The following TOPAZ1 variants were observed in gnomAD, a reference collection of about 807,000 sequenced individuals.
TOPAZ1 encodes the protein protein TOPAZ1.
TOPAZ1 carries 66 observed loss-of-function variants against 172.2 expected under a neutral mutation model. The ratio of observed to expected loss-of-function variants is 0.38; its 90% CI spans 0.31 to 0.47. The LOEUF is 0.47. TOPAZ1 is among the 20% of genes least tolerant of loss of function. TOPAZ1 has a pLI of 0.99. For missense variants in TOPAZ1, 1,822 were observed against 1,972.4 expected (o/e 0.92, Z 1.44); for synonymous variants, 681 against 683.9 (o/e 1.00, Z 0.07).
chr3:44,302,364 A>G (rs1559543215), intron 12 of TOPAZ1, among the ~76,000 whole-genome samples: 1 of 152,154 alleles, frequency 6.6e-6, no homozygotes, highest in Non-Finnish European at 1.5e-5. Context: ...GAGCCGAGAT[A>G]GCACCACTGC....
intron 3 of TOPAZ1, among the ~76,000 whole-genome samples, chr3:44,255,569 G>A (rs1699688998): frequency 6.6e-6 from 1 of 151,224 alleles, no homozygotes; most frequent in African/African-American, 2.4e-5. Context: ...GGAGAATGGT[G>A]TGAACCCGGG....
Position 44,243,154 on chromosome 3 carries a change from TGAA to T in TOPAZ1, c.650_652del (p.Glu217del). ...AATATTCTTGTAATATCTTGTCACC[TGAA>T]GTAGAAAATAATTCCGTTTTAAAAT... is the stretch of plus-strand genomic sequence containing the variant. On this transcript the variant is annotated inframe_deletion, in exon 2 of 20. Transcript: ENST00000309765. The T allele has an allele frequency of 6.5e-7, 1 of 1,549,728 alleles. No individual in the cohort carries two copies. The highest frequency in any genetic ancestry group is 8.7e-7 in the Non-Finnish European group (1 of 1,146,058).
Position 44,245,167 on chromosome 3 carries a change from G to A in TOPAZ1, c.2661G>A (p.Glu887=). 1.9e-6 allele frequency: 3 copies of A among 1,551,874 alleles called. No individual in the cohort carries two copies. Among genetic ancestry groups the A allele is most frequent in the Non-Finnish European group, 2.6e-6 (3 of 1,147,040 alleles). The change falls in exon 2 of 20, where the codon GAG becomes GAA. Residue 887 remains glutamate, a synonymous_variant. Transcript: ENST00000309765. ...SNEGELSFTS[E]VPKISQEPNV... ...AAGGGGAGCTCTCATTTACTTCTGA[G>A]GTCCCAAAGATAAGCCAGGAGCCCA...
At chr3:44,273,862 C>G (rs976521963) in intron 8 of TOPAZ1, among the ~76,000 whole-genome samples, 4 of 152,152 alleles carry the variant, frequency 2.6e-5, no homozygotes, top group Non-Finnish European at 5.9e-5. Context: ...TTAATTCAAA[C>G]AAGATCAGAA....
At chr3:44,261,969 G>GA (rs1424344685) in intron 4 of TOPAZ1, among the ~76,000 whole-genome samples, 11 of 152,108 alleles carry the variant, frequency 7.2e-5, no homozygotes, top group Middle Eastern at 6.8e-3. Context: ...TCTTATGACT[G>GA]AAAAATCATG....
At chr3:44,315,551 T>G (rs1218401652) in intron 16 of TOPAZ1, among the ~76,000 whole-genome samples, 6 of 151,140 alleles carry the variant, frequency 4.0e-5, no homozygotes, top group African/African-American at 1.5e-4. Flanking sequence ...TTTTTTTTTT[T>G]TAGTAGGACA....
intron 16 of TOPAZ1, among the ~76,000 whole-genome samples, chr3:44,317,103 G>A (rs1478761888): frequency 6.6e-6 from 1 of 152,172 alleles, no homozygotes; most frequent in African/African-American, 2.4e-5. Context: ...CAGTTCTGTA[G>A]GAAATTTGAT....
chr3:44,327,813 C>T (rs989701398), intron 18 of TOPAZ1, among the ~76,000 whole-genome samples: 2 of 151,954 alleles, frequency 1.3e-5, no homozygotes, highest in African/African-American at 2.4e-5. Flanking sequence ...GGCACAATCT[C>T]GGCTCACTGC....
chr3:44,255,327 T>G (rs1326534701), intron 3 of TOPAZ1, among the ~76,000 whole-genome samples: 1 of 151,920 alleles, frequency 6.6e-6, no homozygotes, highest in Non-Finnish European at 1.5e-5. Flanking sequence ...TATTTAAGCT[T>G]TATCACATTT....
chr3:44,320,440 AC>A (rs1003271974), intron 16 of TOPAZ1, among the ~76,000 whole-genome samples: 4 of 152,112 alleles, frequency 2.6e-5, no homozygotes, highest in African/African-American at 9.7e-5. Flanking sequence ...TACTTAACAT[AC>A]AAAAAATTTA....
At chr3:44,255,637 G>A (rs1441962894) in intron 3 of TOPAZ1, among the ~76,000 whole-genome samples, 10 of 122,416 alleles carry the variant, frequency 8.2e-5, no homozygotes, top group African/African-American at 2.3e-4. Flanking sequence ...GGGCAACAGT[G>A]CGAGACTCTG....
In TOPAZ1 at chr3:44,290,253, T is replaced by C. The variant is rs183716348; in HGVS notation, c.3682-518T>C. On this transcript the variant is annotated intron_variant, in intron 11 of 19. Coordinates refer to ENST00000309765, the MANE Select transcript of TOPAZ1 (RefSeq NM_001145030.2). The stretch of plus-strand genomic sequence containing the variant: ...CCCTTGTTGGTTCTCTTCATTAGCG[T>C]TGAGGCTCATGAAGAAGACAGGAAA... Among the ~76,000 whole-genome samples, 10 of 152,308 alleles carry C rather than the reference T, an allele frequency of 6.6e-5. No homozygotes were observed. The East Asian group carries it at 1.9e-3, about 29-fold the overall frequency.
intron 16 of TOPAZ1, among the ~76,000 whole-genome samples, chr3:44,315,896 T>C (rs1435971931): frequency 6.6e-6 from 1 of 152,142 alleles, no homozygotes; most frequent in Non-Finnish European, 1.5e-5. Context: ...CTTTGTACTT[T>C]TCTGTTTTGC....
chr3:44,296,086 A>G (rs1700190848), intron 12 of TOPAZ1, among the ~76,000 whole-genome samples: 1 of 152,186 alleles, frequency 6.6e-6, no homozygotes. Flanking sequence ...ATCTCCAAAC[A>G]CTTGGAAATT....
At position 44,270,763 on chromosome 3, in the gene TOPAZ1, C is replaced by T; in HGVS notation, c.3325C>T (p.Arg1109Ter). The T allele has an allele frequency of 1.3e-6, 2 of 1,550,520 alleles. No homozygotes were observed. Among genetic ancestry groups the T allele is most frequent in the Non-Finnish European group, 8.7e-7 (1 of 1,146,314 alleles). Residue 1109 changes from arginine to a stop codon, truncating the protein, a stop_gained, in exon 8 of 20, where the codon CGA becomes TGA. Coordinates refer to ENST00000309765, the MANE Select transcript of TOPAZ1 (RefSeq NM_001145030.2). LOFTEE classifies it high-confidence loss of function. ...TTTTAATACATTACGTGGCTGTGAG[C>T]GACCACTGTGCAAGTTTGCTCATGT... ...FHFNTLRGCE[R>*]PLCKFAHVPE...
chr3:44,246,662 C>G (rs1699570394), intron 2 of TOPAZ1, among the ~76,000 whole-genome samples: 1 of 152,162 alleles, frequency 6.6e-6, no homozygotes, highest in African/African-American at 2.4e-5. Flanking sequence ...GTAACAGAAT[C>G]TGGATTTGAA....
intron 16 of TOPAZ1, among the ~76,000 whole-genome samples, chr3:44,314,049 A>AT (rs1384096223): frequency 5.3e-5 from 8 of 151,716 alleles, no homozygotes; most frequent in Non-Finnish European, 7.4e-5. Context: ...TATATTATTT[A>AT]TTTTTTTTGA....
At chr3:44,287,709 A>G (rs1231839809) in intron 10 of TOPAZ1, 38 bp from the exon 11 acceptor site, 1 of 1,156,544 alleles carries the variant, frequency 8.6e-7, no homozygotes, top group Non-Finnish European at 1.2e-6. Flanking sequence ...TACTAAAAGA[A>G]GATCTGAAAA....
intron 2 of TOPAZ1, among the ~76,000 whole-genome samples, chr3:44,252,375 TCTTTTG>T (rs1699644301): frequency 6.6e-6 from 1 of 152,256 alleles, no homozygotes; most frequent in Non-Finnish European, 1.5e-5. Context: ...TCTTAATATA[TCTTTTG>T]TCATAGTGAT....
Sources: allele counts gnomAD v4.1 joint callset (sites outside exome capture counted in the v4.1 genomes callset), GRCh38; gene constraint gnomAD v4.1.1; transcripts MANE v1.5; gene names NCBI Gene and HGNC (gene_info 2026-07-23, HGNC 2026-07-21).